The following CAMK1D variants were observed in gnomAD, a reference collection of about 807,000 sequenced individuals.
CAMK1D encodes calcium/calmodulin dependent protein kinase ID.
Under a neutral mutation model 47.7 loss-of-function variants are expected in CAMK1D, and 9 were observed. The ratio of observed to expected loss-of-function variants is 0.19; its 90% confidence interval spans 0.11 to 0.33. The LOEUF (loss-of-function observed/expected upper bound fraction) is 0.33. Among genes scored for constraint, CAMK1D ranks in the 10% least tolerant of loss-of-function variants. The pLI is 1.00. For missense variants in CAMK1D, 291 were observed against 488.7 expected (o/e 0.60, Z 3.81); for synonymous variants, 184 against 184.9 (o/e 0.99, Z 0.04).
intron 3 of CAMK1D, among the ~76,000 whole-genome samples, chr10:12,682,578 TAG>T (rs1031314828): frequency 1.3e-5 from 2 of 152,228 alleles, no homozygotes; most frequent in African/African-American, 4.8e-5. Flanking sequence ...GCAGCAGTTG[TAG>T]AGAGAGTATT....
At chr10:12,365,195 A>G (rs1331665874) in intron 1 of CAMK1D, among the ~76,000 whole-genome samples, 6 of 151,970 alleles carry the variant, frequency 3.9e-5, no homozygotes, top group Admixed American at 3.9e-4. Context: ...ACCTCAAATG[A>G]TCCACCCACC....
At chr10:12,720,858 G>T (rs760558436) in intron 3 of CAMK1D, among the ~76,000 whole-genome samples, 1 of 152,196 alleles carries the variant, frequency 6.6e-6, no homozygotes, top group Admixed American at 6.5e-5. Context: ...TTCAGCCTTA[G>T]AATTGAATTA....
intron 1 of CAMK1D, among the ~76,000 whole-genome samples, chr10:12,462,970 A>G (rs1212620674): frequency 6.6e-6 from 1 of 152,216 alleles, no homozygotes; most frequent in African/African-American, 2.4e-5. Context: ...AGAGCACTCT[A>G]TCTGGGCTGG....
intron 2 of CAMK1D, among the ~76,000 whole-genome samples, chr10:12,649,586 G>A (rs2132506666): frequency 6.6e-6 from 1 of 152,246 alleles, no homozygotes; most frequent in East Asian, 1.9e-4. Flanking sequence ...ATAGGAATAC[G>A]CCAAAGAAAG....
intron 2 of CAMK1D, among the ~76,000 whole-genome samples, chr10:12,605,731 C>T (rs1400431973): frequency 2.0e-5 from 3 of 152,214 alleles, no homozygotes; most frequent in Non-Finnish European, 4.4e-5. Flanking sequence ...GCCGCATTGC[C>T]CAGCTCTGCC....
intron 3 of CAMK1D, among the ~76,000 whole-genome samples, chr10:12,749,276 C>A (rs1003775108): frequency 2.0e-5 from 3 of 151,790 alleles, no homozygotes; most frequent in Non-Finnish European, 4.4e-5. Context: ...AAATCTTTGT[C>A]ATTTTTTTTA....
At chr10:12,364,857 G>A (rs1380208385) in intron 1 of CAMK1D, among the ~76,000 whole-genome samples, 1 of 152,126 alleles carries the variant, frequency 6.6e-6, no homozygotes, top group Non-Finnish European at 1.5e-5. Context: ...GTCGCTGGAA[G>A]GTGGCTGTGG....
chr10:12,789,636 A>G (rs1837890765), intron 5 of CAMK1D, among the ~76,000 whole-genome samples: 1 of 152,146 alleles, frequency 6.6e-6, no homozygotes, highest in Non-Finnish European at 1.5e-5. Flanking sequence ...TGTAGACGCC[A>G]CATTCCCACT....
chr10:12,799,005 A>G (rs766488160), intron 6 of CAMK1D, among the ~76,000 whole-genome samples: 6 of 152,172 alleles, frequency 3.9e-5, no homozygotes, highest in Non-Finnish European at 8.8e-5. Flanking sequence ...GGGTGGCACA[A>G]TAGCAAGCGG....
chr10:12,431,262 C>G (rs1005850665), intron 1 of CAMK1D, among the ~76,000 whole-genome samples: 1 of 152,338 alleles, frequency 6.6e-6, no homozygotes. Flanking sequence ...CATCTCACCT[C>G]CACTGCTGCC....
In CAMK1D at chr10:12,410,876, G is replaced by A. The variant is rs545821823; in HGVS notation, c.92+60966G>A. ...TTGATTAATTTTAGGCAATCTCTGCGGGTATTTCCAGTGCTCTTGGCTTTT... is the reference window on the plus strand; with the variant it reads ...TTGATTAATTTTAGGCAATCTCTGCAGGTATTTCCAGTGCTCTTGGCTTTT... On this transcript the variant is annotated intron_variant, in intron 1 of 10. Transcript: ENST00000619168. Among the ~76,000 whole-genome samples, 25 of 152,160 alleles carry A rather than the reference G, an allele frequency of 1.6e-4. No homozygotes were observed. The South Asian group carries it at 4.1e-3, about 25-fold the overall frequency.
chr10:12,457,779 CAAA>C (rs5783269), intron 1 of CAMK1D, among the ~76,000 whole-genome samples: 11 of 71,122 alleles, frequency 1.5e-4, no homozygotes, highest in Admixed American at 4.6e-4. Context: ...GACTCTGTCT[CAAA>C]AAAAAAAAAA....
chr10:12,624,417 A>G (rs1295302248), intron 2 of CAMK1D, among the ~76,000 whole-genome samples: 1 of 152,202 alleles, frequency 6.6e-6, no homozygotes, highest in African/African-American at 2.4e-5. Flanking sequence ...CCTCCCGTCA[A>G]GTCCCTGAAA....
chr10:12,808,415 G>T (rs1331086506), intron 6 of CAMK1D, among the ~76,000 whole-genome samples: 2 of 152,174 alleles, frequency 1.3e-5, no homozygotes, highest in Non-Finnish European at 2.9e-5. Flanking sequence ...TGAGTGCTTG[G>T]TATACCTCCT....
intron 3 of CAMK1D, among the ~76,000 whole-genome samples, chr10:12,694,183 T>TTATATTATATAA (rs1564498356): frequency 3.9e-5 from 1 of 25,724 alleles, no homozygotes; most frequent in African/African-American, 1.3e-4. Context: ...ATATTATATA[T>TTATATTATATAA]AATATAATAT....
intron 1 of CAMK1D, among the ~76,000 whole-genome samples, chr10:12,538,725 T>C (rs1836061337): frequency 6.6e-6 from 1 of 152,048 alleles, no homozygotes; most frequent in Non-Finnish European, 1.5e-5. Flanking sequence ...CAGCCAGTAC[T>C]GTGCAGAAAA....
chr10:12,587,038 C>T (rs1837840113), intron 2 of CAMK1D, among the ~76,000 whole-genome samples: 1 of 152,150 alleles, frequency 6.6e-6, no homozygotes, highest in Non-Finnish European at 1.5e-5. Context: ...TTACCTCTCA[C>T]TCGGGGCATC....
At chr10:12,826,959 C>G (rs561865499) in intron 10 of CAMK1D, among the ~76,000 whole-genome samples, 1 of 152,368 alleles carries the variant, frequency 6.6e-6, no homozygotes, top group South Asian at 2.1e-4. Flanking sequence ...CCTGCACCAA[C>G]AAGCTCAGTG....
At chr10:12,675,496 T>C (rs1011487499) in intron 3 of CAMK1D, among the ~76,000 whole-genome samples, 2 of 152,202 alleles carry the variant, frequency 1.3e-5, no homozygotes, top group African/African-American at 4.8e-5. Context: ...CCTTGACTTA[T>C]CCTTTTCTCT....
Sources: gnomAD v4.1 joint callset for allele counts (sites outside exome capture counted in the v4.1 genomes callset) on GRCh38, gnomAD v4.1.1 for gene constraint, MANE v1.5 for transcripts, NCBI Gene and HGNC (gene_info 2026-07-23, HGNC 2026-07-21) for gene names.